The following ZFHX3 variants were observed in gnomAD, a reference collection of about 807,000 sequenced individuals.
The protein encoded by ZFHX3 is zinc finger homeobox 3.
In ZFHX3, 42 loss-of-function variants were observed where a neutral mutation model predicts 279.1. The ratio of observed to expected loss-of-function variants is 0.15; its 90% CI spans 0.12 to 0.19. ZFHX3 has a LOEUF of 0.19. Among genes scored for constraint, ZFHX3 ranks in the 10% least tolerant of loss-of-function variants. The pLI is 1.00. For missense variants in ZFHX3, 4,981 were observed against 4,754.0 expected (o/e 1.05, Z -1.40); for synonymous variants, 2,293 against 1,957.8 (o/e 1.17, Z -4.52).
chr16:73,387,264 T>C (rs894781820), intron 3 of ZFHX3: 1 of 152,218 alleles, frequency 6.6e-6, no homozygotes, highest in African/African-American at 2.4e-5. Context: ...GGTGAGCAGA[T>C]CCTTCTCATC....
At chr16:73,836,277 T>C (rs1375834626) in intron 1 of ZFHX3, among the ~76,000 whole-genome samples, 1 of 152,170 alleles carries the variant, frequency 6.6e-6, no homozygotes. Flanking sequence ...CAAAGTCCAC[T>C]ACTACAGGAG....
chr16:73,362,745 G>C (rs1159980653), intron 3 of ZFHX3, among the ~76,000 whole-genome samples: 2 of 152,234 alleles, frequency 1.3e-5, no homozygotes, highest in Non-Finnish European at 2.9e-5. Flanking sequence ...ATCTCCTGGA[G>C]GTGAAAATGA....
chr16:73,283,302 A>G (rs1324216822), intron 4 of ZFHX3, among the ~76,000 whole-genome samples: 2 of 152,218 alleles, frequency 1.3e-5, no homozygotes, highest in African/African-American at 4.8e-5. Flanking sequence ...AATGAGGTAT[A>G]AAGTCCAGTA....
At chr16:72,996,477 T>A (rs569087642) in intron 1 of ZFHX3, among the ~76,000 whole-genome samples, 1 of 152,200 alleles carries the variant, frequency 6.6e-6, no homozygotes, top group Non-Finnish European at 1.5e-5. Context: ...TGGTCCTCAA[T>A]AAAGGGCTAG....
At chr16:72,820,286 A>C (rs1445148183) in intron 5 of ZFHX3, among the ~76,000 whole-genome samples, 1 of 152,204 alleles carries the variant, frequency 6.6e-6, no homozygotes, top group African/African-American at 2.4e-5. Flanking sequence ...TAAGCCCTAC[A>C]TCAGAGACAT....
chr16:73,654,805 A>T (rs1001940337), intron 2 of ZFHX3, among the ~76,000 whole-genome samples: 5 of 148,840 alleles, frequency 3.4e-5, no homozygotes, highest in Non-Finnish European at 7.4e-5. Context: ...AATTAAAATA[A>T]TTTTTTAAAA....
intron 7 of ZFHX3, among the ~76,000 whole-genome samples, chr16:73,126,215 AGGCAATCACAGCGG>A (rs1966567536): frequency 6.6e-6 from 1 of 152,140 alleles, no homozygotes; most frequent in African/African-American, 2.4e-5. Flanking sequence ...GAGAAGAGAA[AGGCAATCACAGCGG>A]GGCACCAGGA....
chr16:73,331,265 A>G (rs34334173), intron 3 of ZFHX3, among the ~76,000 whole-genome samples: 1,892 of 151,964 alleles, frequency 0.012, 18 homozygotes, highest in Non-Finnish European at 0.02. Flanking sequence ...TAATCTAATC[A>G]CCTCCCATGA....
chr16:73,490,188 C>T (rs1452701717), intron 2 of ZFHX3, among the ~76,000 whole-genome samples: 3 of 152,118 alleles, frequency 2.0e-5, no homozygotes, highest in East Asian at 1.9e-4. Context: ...TCAAGAATTC[C>T]GCTGCAGCTC....
At chr16:73,856,275 T>C (rs1393281328) in intron 1 of ZFHX3, among the ~76,000 whole-genome samples, 1 of 152,166 alleles carries the variant, frequency 6.6e-6, no homozygotes, top group African/African-American at 2.4e-5. Context: ...AAAAAAACGT[T>C]TTACACTAAG....
intron 3 of ZFHX3, among the ~76,000 whole-genome samples, chr16:73,358,689 C>T (rs149043444): frequency 1.8e-4 from 28 of 152,266 alleles, no homozygotes; most frequent in Middle Eastern, 3.4e-3. Context: ...AGACAGGGTA[C>T]GCTTTAGGGG....
At chr16:73,298,731 A>G (rs1474920268) in intron 4 of ZFHX3, among the ~76,000 whole-genome samples, 1 of 152,164 alleles carries the variant, frequency 6.6e-6, no homozygotes, top group East Asian at 1.9e-4. Flanking sequence ...TTAGACAGGC[A>G]TGGGGGCAGG....
intron 1 of ZFHX3, among the ~76,000 whole-genome samples, chr16:73,806,963 G>A (rs903809073): frequency 6.6e-6 from 1 of 152,156 alleles, no homozygotes. Flanking sequence ...CCAACCACGT[G>A]ATGAGGTGAG....
chr16:73,415,947 C>A (rs78781548), intron 3 of ZFHX3, among the ~76,000 whole-genome samples: 1 of 151,820 alleles, frequency 6.6e-6, no homozygotes, highest in African/African-American at 2.4e-5. Context: ...TGGTGAAACC[C>A]CATCTCTACT....
chr16:73,169,987 A>T (rs1398014049), intron 5 of ZFHX3, among the ~76,000 whole-genome samples: 1 of 152,098 alleles, frequency 6.6e-6, no homozygotes, highest in Admixed American at 6.6e-5. Flanking sequence ...TATCCATTGA[A>T]TGTCTGTCTC....
intron 5 of ZFHX3, among the ~76,000 whole-genome samples, chr16:73,185,900 T>C (rs564918368): frequency 6.6e-6 from 1 of 152,264 alleles, no homozygotes; most frequent in South Asian, 2.1e-4. Flanking sequence ...TGAAGCTTCA[T>C]CTGTGTTTAC....
At chr16:72,922,439 A>AT (rs1195072417) in intron 3 of ZFHX3, among the ~76,000 whole-genome samples, 2 of 152,068 alleles carry the variant, frequency 1.3e-5, no homozygotes, top group African/African-American at 4.8e-5. Context: ...TCCACCCATT[A>AT]TGCCAGTGTC....
intron 3 of ZFHX3, among the ~76,000 whole-genome samples, chr16:73,411,208 C>T (rs2017458720): frequency 6.6e-6 from 1 of 152,208 alleles, no homozygotes; most frequent in African/African-American, 2.4e-5. Flanking sequence ...GAATTTCCGA[C>T]TTTAGAACCT....
At chr16:73,407,474 T>C (rs543494855) in intron 3 of ZFHX3, among the ~76,000 whole-genome samples, 2 of 152,146 alleles carry the variant, frequency 1.3e-5, no homozygotes, top group Non-Finnish European at 2.9e-5. Context: ...ACATCAGTAG[T>C]CCAAGAAGGT....
Sources: gnomAD v4.1 joint callset for allele counts (sites outside exome capture counted in the v4.1 genomes callset) on GRCh38, gnomAD v4.1.1 for gene constraint, MANE v1.5 for transcripts, NCBI Gene and HGNC (gene_info 2026-07-23, HGNC 2026-07-21) for gene names.